SLC35F4: variants seen among roughly 807,000 people sequenced by gnomAD.
SLC35F4 encodes the protein solute carrier family 35 member F4.
In SLC35F4, 24 loss-of-function variants were observed where a neutral mutation model predicts 44.2. The ratio of observed to expected loss-of-function variants is 0.54; its 90% CI spans 0.39 to 0.76. SLC35F4 has a LOEUF of 0.76. SLC35F4 is among the 30% of genes least tolerant of loss of function. SLC35F4 has a pLI of 0.00. For synonymous variants in SLC35F4, 238 were observed against 223.6 expected (o/e 1.06, Z -0.57); for missense variants, 562 against 586.1 (o/e 0.96, Z 0.42).
intron 1 of SLC35F4, among the ~76,000 whole-genome samples, chr14:57,900,346 T>A (rs558648632): frequency 6.6e-6 from 1 of 152,294 alleles, no homozygotes; most frequent in Non-Finnish European, 1.5e-5. Flanking sequence ...GGCCCACCCC[T>A]GAACCAATCA....
chr14:57,914,662 G>A (rs1444019605), intron 1 of SLC35F4, among the ~76,000 whole-genome samples: 1 of 152,024 alleles, frequency 6.6e-6, no homozygotes, highest in Non-Finnish European at 1.5e-5. Context: ...TAAAGATCCT[G>A]CCCCTCAGCA....
intron 1 of SLC35F4, among the ~76,000 whole-genome samples, chr14:57,731,666 T>C (rs1325643938): frequency 1.3e-5 from 2 of 152,246 alleles, no homozygotes; most frequent in African/African-American, 4.8e-5. Flanking sequence ...AGAATCTTCC[T>C]GCATCTTTGC....
intron 1 of SLC35F4, among the ~76,000 whole-genome samples, chr14:57,694,349 T>A (rs2140341998): frequency 6.6e-6 from 1 of 152,324 alleles, no homozygotes; most frequent in African/African-American, 2.4e-5. Flanking sequence ...AAAAATTGTG[T>A]GATACAGTTG....
intron 1 of SLC35F4, among the ~76,000 whole-genome samples, chr14:57,766,217 T>C (rs911374796): frequency 6.6e-6 from 1 of 152,222 alleles, no homozygotes; most frequent in African/African-American, 2.4e-5. Context: ...TGTACAAGCA[T>C]TCAGGATAGC....
At chr14:57,980,417 C>T (rs76599402) in intron 1 of SLC35F4, among the ~76,000 whole-genome samples, 6,439 of 152,198 alleles carry the variant, frequency 0.042, 183 homozygotes, top group East Asian at 0.11. Flanking sequence ...GGGGTCCTGC[C>T]GAGGAAGGCT....
chr14:57,635,676 A>T (rs540504527), intron 1 of SLC35F4, among the ~76,000 whole-genome samples: 1 of 152,222 alleles, frequency 6.6e-6, no homozygotes, highest in East Asian at 1.9e-4. Context: ...CATCTGCAAA[A>T]CTAAAATTCA....
chr14:57,570,731 G>T (rs959365437), intron 5 of SLC35F4, among the ~76,000 whole-genome samples: 2 of 152,160 alleles, frequency 1.3e-5, no homozygotes, highest in African/African-American at 4.8e-5. Context: ...ATATGATTTG[G>T]TGCATGTCAG....
At chr14:57,788,708 A>G (rs1267643558) in intron 1 of SLC35F4, among the ~76,000 whole-genome samples, 1 of 152,202 alleles carries the variant, frequency 6.6e-6, no homozygotes, top group East Asian at 1.9e-4. Flanking sequence ...TCAACAGAAT[A>G]GACATTCTTC....
chr14:57,685,845 A>T (rs2075050984), intron 1 of SLC35F4, among the ~76,000 whole-genome samples: 1 of 152,142 alleles, frequency 6.6e-6, no homozygotes, highest in Non-Finnish European at 1.5e-5. Flanking sequence ...GACTCTTCTC[A>T]CTGCTGCATA....
At chr14:57,757,363 T>C (rs151084583) in intron 1 of SLC35F4, among the ~76,000 whole-genome samples, 5 of 152,336 alleles carry the variant, frequency 3.3e-5, no homozygotes, top group Non-Finnish European at 5.9e-5. Flanking sequence ...AATCTTTCAA[T>C]TGGGATCTTT....
At chr14:57,786,906 C>G (rs1469226817) in intron 1 of SLC35F4, among the ~76,000 whole-genome samples, 1 of 152,106 alleles carries the variant, frequency 6.6e-6, no homozygotes. Flanking sequence ...GGACCCAAAC[C>G]AAGAAGAGAT....
intron 1 of SLC35F4, among the ~76,000 whole-genome samples, chr14:57,863,057 G>A (rs997400542): frequency 6.6e-6 from 1 of 152,144 alleles, no homozygotes; most frequent in African/African-American, 2.4e-5. Context: ...TATAGAAACA[G>A]TGTCTCACTA....
Position 57,918,710 on chromosome 14 carries a change from G to A in SLC35F4, n.282+63203C>T, listed in dbSNP as rs576447757. Among the ~76,000 whole-genome samples, 33 of 152,324 alleles carry A rather than the reference G, an allele frequency of 2.2e-4. No individual in the cohort carries two copies. The South Asian group carries it at 6.4e-3, about 30-fold the overall frequency. On this transcript the variant is annotated intron_variant and non_coding_transcript_variant, in intron 1 of 1. Transcript: ENST00000556568. Reference sequence around the variant, plus strand: ...TGAATTGGGACCTTGACCCACACCTGCTGCTGACTCTTCTATAGAACTTGC... The same window carrying A: ...TGAATTGGGACCTTGACCCACACCTACTGCTGACTCTTCTATAGAACTTGC...
Position 57,589,360 on chromosome 14 carries a change from A to G in SLC35F4, c.443T>C (p.Ile148Thr). ...VSSSWVGTTQ[I>T]VKITYKNFYC... ...GAAGTTCTTATAAGTAATTTTTACA[A>G]TCTGTGTAGTTCCAACCCAAGATGA... Residue 148 changes from isoleucine to threonine, a missense_variant, in exon 3 of 8, where the codon ATT becomes ACT. Coordinates refer to ENST00000556826, the MANE Select transcript of SLC35F4 (RefSeq NM_001306087.2). The G allele has an allele frequency of 6.2e-7, 1 of 1,614,004 alleles. No homozygotes were observed. Among genetic ancestry groups the G allele is most frequent in the East Asian group, 2.2e-5 (1 of 44,866 alleles).
chr14:57,833,856 C>A (rs894649395), intron 1 of SLC35F4, among the ~76,000 whole-genome samples: 5 of 152,156 alleles, frequency 3.3e-5, no homozygotes, highest in African/African-American at 1.2e-4. Context: ...ACTAGCTTCA[C>A]AGAAAATAAT....
chr14:57,713,757 G>T (rs569924103), intron 1 of SLC35F4, among the ~76,000 whole-genome samples: 112 of 152,260 alleles, frequency 7.4e-4, no homozygotes, highest in African/African-American at 2.6e-3. Flanking sequence ...GACGGAGGGG[G>T]TGCCAAATGG....
At position 57,865,766 on chromosome 14, in the gene SLC35F4, G is replaced by A. The variant is rs1039309133; in HGVS notation, c.60C>T (p.Ile20=). Residue 20 remains isoleucine (I), a synonymous_variant, in exon 1 of 8, where the codon ATC becomes ATT. Coordinates refer to ENST00000556826, the MANE Select transcript of SLC35F4 (RefSeq NM_001306087.2). ...VATIEDRILR[I]TGYYGYYPGY... ...CTGGATAATAGCCATAGTAGCCGGT[G>A]ATCCGCAGGATCCGGTCCTCGATAG... 6.6e-7 allele frequency: 1 copy of A among 1,523,946 alleles called. No homozygotes were observed. Among genetic ancestry groups the A allele is most frequent in the Non-Finnish European group, 8.8e-7 (1 of 1,142,092 alleles). The allele number at this position is 1,523,946 out of a possible 1,614,324, so 94.4% of individuals were successfully genotyped here. A position where few individuals can be genotyped will look rare whatever the true frequency, so the allele number is the denominator to read the frequency against.
intron 1 of SLC35F4, among the ~76,000 whole-genome samples, chr14:57,618,440 G>C (rs1183202680): frequency 6.6e-6 from 1 of 152,146 alleles, no homozygotes; most frequent in East Asian, 1.9e-4. Flanking sequence ...AGGGGTCGGG[G>C]GAGTTCCCTC....
chr14:57,747,752 C>T (rs1234501284), intron 1 of SLC35F4, among the ~76,000 whole-genome samples: 1 of 152,176 alleles, frequency 6.6e-6, no homozygotes, highest in Non-Finnish European at 1.5e-5. Flanking sequence ...TTCTTGATGT[C>T]ATTAAATATT....
Sources: gnomAD v4.1 joint callset for allele counts (sites outside exome capture counted in the v4.1 genomes callset) on GRCh38, gnomAD v4.1.1 for gene constraint, MANE v1.5 for transcripts, NCBI Gene and HGNC (gene_info 2026-07-23, HGNC 2026-07-21) for gene names.